Variants in HHAT observed in about 807,000 individuals in gnomAD.
The protein encoded by HHAT is hedgehog acyltransferase, also known as protein-cysteine N-palmitoyltransferase HHAT.
HHAT carries 47 observed loss-of-function variants against 70.8 expected under a neutral mutation model. The observed-to-expected ratio is 0.66, with a 90% CI of 0.53 to 0.85. HHAT has a LOEUF of 0.85. HHAT is among the 40% of genes least tolerant of loss of function. The pLI is 0.00. For missense variants in HHAT, 609 were observed against 604.8 expected (o/e 1.01, Z -0.07); for synonymous variants, 228 against 247.6 (o/e 0.92, Z 0.74).
intron 8 of HHAT, among the ~76,000 whole-genome samples, chr1:210,494,246 G>A (rs1029195416): frequency 6.6e-6 from 1 of 152,178 alleles, no homozygotes; most frequent in African/African-American, 2.4e-5. Flanking sequence ...TGTGTCTTGG[G>A]TCTTTAAAGG....
intron 8 of HHAT, among the ~76,000 whole-genome samples, chr1:210,466,113 G>A (rs938442750): frequency 1.1e-4 from 13 of 123,114 alleles, no homozygotes; most frequent in Non-Finnish European, 1.8e-4. Context: ...GCAAGGAATC[G>A]CAAGGAATCG....
intron 6 of HHAT, among the ~76,000 whole-genome samples, chr1:210,405,364 T>A (rs529354095): frequency 6.6e-6 from 1 of 152,318 alleles, no homozygotes; most frequent in African/African-American, 2.4e-5. Context: ...AACCTACCTC[T>A]AGTTTCATGG....
chr1:210,533,747 C>G (rs1356126852), intron 9 of HHAT, among the ~76,000 whole-genome samples: 1 of 152,176 alleles, frequency 6.6e-6, no homozygotes, highest in African/African-American at 2.4e-5. Flanking sequence ...GCCAAGGAAG[C>G]TACTGGTTAA....
At chr1:210,555,972 C>T (rs542172581) in intron 9 of HHAT, among the ~76,000 whole-genome samples, 1 of 152,322 alleles carries the variant, frequency 6.6e-6, no homozygotes, top group South Asian at 2.1e-4. Context: ...TTTTTGAAAG[C>T]ATAGCCATGT....
intron 11 of HHAT, among the ~76,000 whole-genome samples, chr1:210,672,774 C>T (rs1462266086): frequency 1.3e-5 from 2 of 152,176 alleles, no homozygotes; most frequent in African/African-American, 2.4e-5. Context: ...AAGAAAAGAA[C>T]ATCAGATATT....
At chr1:210,550,876 C>T (rs2095521885) in intron 9 of HHAT, among the ~76,000 whole-genome samples, 1 of 146,908 alleles carries the variant, frequency 6.8e-6, no homozygotes, top group Non-Finnish European at 1.5e-5. Flanking sequence ...CCATGTTGGC[C>T]AGGCTGGTCT....
chr1:210,446,109 T>G (rs1000673740), intron 7 of HHAT, among the ~76,000 whole-genome samples: 1 of 152,032 alleles, frequency 6.6e-6, no homozygotes, highest in Non-Finnish European at 1.5e-5. Context: ...GGGCGGAGCC[T>G]GTGGGAGATT....
intron 8 of HHAT, among the ~76,000 whole-genome samples, chr1:210,498,247 A>G (rs1048476009): frequency 6.6e-6 from 1 of 152,216 alleles, no homozygotes; most frequent in Non-Finnish European, 1.5e-5. Flanking sequence ...TGCAAATGAT[A>G]CTACTTTTCT....
intron 6 of HHAT, among the ~76,000 whole-genome samples, chr1:210,416,674 A>G (rs1446323900): frequency 3.3e-5 from 5 of 152,154 alleles, no homozygotes; most frequent in East Asian, 1.9e-4. Context: ...AGTAGCTTCT[A>G]TCTGTATCTA....
At chr1:210,622,365 G>A (rs902010452) in intron 10 of HHAT, among the ~76,000 whole-genome samples, 5 of 152,176 alleles carry the variant, frequency 3.3e-5, no homozygotes, top group Admixed American at 6.5e-5. Context: ...TGCATGTCCC[G>A]CTGCTGTGCT....
chr1:210,599,418 C>T (rs2148816698), intron 10 of HHAT, among the ~76,000 whole-genome samples: 1 of 152,276 alleles, frequency 6.6e-6, no homozygotes, highest in African/African-American at 2.4e-5. Context: ...ACTTGGAAAT[C>T]TACCAGGTTT....
At chr1:210,422,959 C>G (rs2092950352) in intron 7 of HHAT, among the ~76,000 whole-genome samples, 1 of 152,134 alleles carries the variant, frequency 6.6e-6, no homozygotes, top group South Asian at 2.1e-4. Flanking sequence ...TTTTCTTTAT[C>G]CATTTATCTG....
chr1:210,551,856 G>C (rs1034226227), intron 9 of HHAT, among the ~76,000 whole-genome samples: 5 of 152,168 alleles, frequency 3.3e-5, no homozygotes, highest in Non-Finnish European at 7.3e-5. Flanking sequence ...TTGAAGTCTT[G>C]GAAAGTGAAC....
intron 2 of HHAT, among the ~76,000 whole-genome samples, chr1:210,349,529 G>A (rs931133367): frequency 2.6e-5 from 4 of 152,032 alleles, no homozygotes; most frequent in Admixed American, 6.6e-5. Flanking sequence ...TTATTTTAGC[G>A]GCAGTTTGGC....
intron 1 of HHAT, among the ~76,000 whole-genome samples, chr1:210,343,196 G>A (rs542749361): frequency 6.6e-6 from 1 of 152,176 alleles, no homozygotes; most frequent in East Asian, 1.9e-4. Flanking sequence ...ACGTGAACCT[G>A]TGATCAATCA....
chr1:210,581,208 T>G (rs1304848715), intron 9 of HHAT, among the ~76,000 whole-genome samples: 2 of 152,218 alleles, frequency 1.3e-5, no homozygotes, highest in Non-Finnish European at 2.9e-5. Context: ...TTAAGTTCCT[T>G]GTAAATTCTG....
intron 3 of HHAT, among the ~76,000 whole-genome samples, chr1:210,370,041 T>C (rs979570403): frequency 1.3e-5 from 2 of 152,032 alleles, no homozygotes; most frequent in Non-Finnish European, 2.9e-5. Flanking sequence ...GCCCTGTCTC[T>C]CTCTTCTTTC....
chr1:210,410,608 C>T (rs1444653825), intron 6 of HHAT, among the ~76,000 whole-genome samples: 1 of 149,302 alleles, frequency 6.7e-6, no homozygotes, highest in Non-Finnish European at 1.5e-5. Flanking sequence ...CTCACTGCAA[C>T]CTCCACCTCC....
At chr1:210,525,158 G>A (rs1436717329) in intron 9 of HHAT, among the ~76,000 whole-genome samples, 1 of 151,936 alleles carries the variant, frequency 6.6e-6, no homozygotes, top group African/African-American at 2.4e-5. Flanking sequence ...GTCTCTGAAG[G>A]CCTAGTTCTT....
Sources: gnomAD v4.1 joint callset for allele counts (sites outside exome capture counted in the v4.1 genomes callset) on GRCh38, gnomAD v4.1.1 for gene constraint, MANE v1.5 for transcripts, NCBI Gene and HGNC (gene_info 2026-07-23, HGNC 2026-07-21) for gene names.